FBP1: variants seen among roughly 807,000 people sequenced by gnomAD.
The protein encoded by FBP1 is fructose-1,6-bisphosphatase 1.
In FBP1, 22 loss-of-function variants were observed where a neutral mutation model predicts 29.9. The observed-to-expected ratio is 0.74, with a 90% CI of 0.53 to 1.05. The LOEUF is 1.05. Among genes scored for constraint, FBP1 ranks in the 50% least tolerant of loss-of-function variants. The pLI, the probability that FBP1 is intolerant of heterozygous loss-of-function variation, is 0.00. For synonymous variants in FBP1, 175 were observed against 178.6 expected, an observed-to-expected ratio of 0.98 and a Z score of 0.16; for missense variants, 345 against 448.2, an observed-to-expected ratio of 0.77 and a Z score of 2.08.
At chr9:94,639,063 G>GGGCC in intron 1 of FBP1, 78 bp downstream of exon 1, 2 of 1,412,778 alleles carry the variant, frequency 1.4e-6, no homozygotes, top group Non-Finnish European at 1.9e-6. Context: ...GAGGCTCAGA[G>GGGCC]GGCCCAACGT....
rs201064471 is a variant in FBP1, at chr9:94,606,816, G to A, written c.704C>T (p.Pro235Leu). Residue 235 changes from proline (P) to leucine (L), a missense_variant and splice_region_variant, in exon 5 of 7, where the codon CCA becomes CTA. Transcript: ENST00000375326. The part of the protein sequence containing the change: ...TEYIQRKKFP[P>L]DNSAPYGARY... Reference sequence around the variant, plus strand: ...CACCCTCCCCGGGCCCTCACTTACTGGGGGGAACTTCTTCCTCTGGATGTA... The same window carrying A: ...CACCCTCCCCGGGCCCTCACTTACTAGGGGGAACTTCTTCCTCTGGATGTA... 5.0e-6 allele frequency: 8 copies of A among 1,612,812 alleles called. No homozygotes were observed. The highest frequency in any genetic ancestry group is 3.3e-5 in the Admixed American group (2 of 59,966).
At chr9:94,611,597 A>G (rs1031533061) in intron 3 of FBP1, among the ~76,000 whole-genome samples, 1 of 152,088 alleles carries the variant, frequency 6.6e-6, no homozygotes, top group African/African-American at 2.4e-5. Context: ...TACGAAAAAA[A>G]ATTTTTTTTT....
intron 1 of FBP1, among the ~76,000 whole-genome samples, chr9:94,636,416 T>A (rs552523057): frequency 4.5e-4 from 68 of 152,128 alleles, no homozygotes; most frequent in African/African-American, 1.6e-3. Flanking sequence ...AGGTTGAGGC[T>A]GCAGTGAGCC....
intron 2 of FBP1, among the ~76,000 whole-genome samples, chr9:94,619,120 G>T (rs535221072): frequency 1.3e-5 from 2 of 152,110 alleles, no homozygotes; most frequent in East Asian, 1.9e-4. Context: ...AGAGAAGTCC[G>T]GCGTGAGTGA....
chr9:94,631,212 CAG>C (rs1196587575), intron 1 of FBP1, among the ~76,000 whole-genome samples: 1 of 152,178 alleles, frequency 6.6e-6, no homozygotes, highest in Admixed American at 6.6e-5. Context: ...TTTCCAGCCC[CAG>C]AGATACGAAG....
At chr9:94,613,816 G>A (rs890294967) in intron 3 of FBP1, among the ~76,000 whole-genome samples, 1 of 150,902 alleles carries the variant, frequency 6.6e-6, no homozygotes, top group Non-Finnish European at 1.5e-5. Context: ...AGTGGCTCAC[G>A]CCTGTAATCC....
At chr9:94,606,060 G>A (rs372283419) in intron 5 of FBP1, among the ~76,000 whole-genome samples, 1 of 152,102 alleles carries the variant, frequency 6.6e-6, no homozygotes, top group Non-Finnish European at 1.5e-5. Context: ...GGGCAGGAGG[G>A]GAATCCAGGA....
At chr9:94,634,341 T>C (rs1355634489) in intron 1 of FBP1, among the ~76,000 whole-genome samples, 3 of 152,010 alleles carry the variant, frequency 2.0e-5, no homozygotes, top group Non-Finnish European at 4.4e-5. Context: ...AAAACCTCTA[T>C]TGCGTGTTAG....
intron 1 of FBP1, among the ~76,000 whole-genome samples, chr9:94,631,498 G>A (rs1828103603): frequency 6.6e-6 from 1 of 152,218 alleles, no homozygotes; most frequent in South Asian, 2.1e-4. Flanking sequence ...TTGTGACACT[G>A]AACATGCAGA....
intron 1 of FBP1, among the ~76,000 whole-genome samples, chr9:94,634,958 G>A (rs1005108453): frequency 2.6e-5 from 4 of 152,016 alleles, no homozygotes; most frequent in African/African-American, 7.3e-5. Flanking sequence ...GTATGGTAGT[G>A]TACGCCTGTA....
chr9:94,627,949 C>G (rs1318931485), intron 1 of FBP1, among the ~76,000 whole-genome samples: 1 of 152,248 alleles, frequency 6.6e-6, no homozygotes, highest in Non-Finnish European at 1.5e-5. Flanking sequence ...TCCCCTACCT[C>G]CCTCCCCTGC....
intron 2 of FBP1, among the ~76,000 whole-genome samples, chr9:94,619,135 GAATATTA>G (rs1224604959): frequency 1.3e-5 from 2 of 152,136 alleles, no homozygotes; most frequent in Non-Finnish European, 2.9e-5. Flanking sequence ...GAGTGATGGA[GAATATTA>G]AACAACAAAT....
At chr9:94,615,976 C>T (rs533072653) in intron 3 of FBP1, among the ~76,000 whole-genome samples, 19 of 152,142 alleles carry the variant, frequency 1.2e-4, no homozygotes, top group South Asian at 6.2e-4. Context: ...TACAGGCGCC[C>T]GCCACCATGC....
At chr9:94,616,551 C>T (rs1331829944) in intron 3 of FBP1, among the ~76,000 whole-genome samples, 1 of 145,130 alleles carries the variant, frequency 6.9e-6, no homozygotes, top group Admixed American at 6.8e-5. Flanking sequence ...AGCGATTCTC[C>T]TGCCTCAGCC....
chr9:94,632,440 C>T (rs544344292), intron 1 of FBP1, among the ~76,000 whole-genome samples: 1 of 152,112 alleles, frequency 6.6e-6, no homozygotes, highest in African/African-American at 2.4e-5. Flanking sequence ...GAGGCTGAGG[C>T]GGGTGGATGA....
In FBP1 at chr9:94,614,025, G is replaced by T. The variant is rs572059860; in HGVS notation, c.426+3743C>A. Among the ~76,000 whole-genome samples the T allele has an allele frequency of 5.3e-5, 8 of 150,076 alleles. No individual in the cohort carries two copies. In the East Asian group the frequency reaches 1.6e-3, roughly 30 times the overall value. On this transcript the variant is annotated intron_variant, in intron 3 of 6. Coordinates refer to ENST00000375326, the MANE Select transcript of FBP1 (RefSeq NM_000507.4). ...GAACCCGGGAGGCAGGGCTTGCAGT[G>T]AGCCGAGATCGTGCTACTGCACTCC...
chr9:94,624,212 C>T (rs1563985872), intron 1 of FBP1, among the ~76,000 whole-genome samples: 1 of 151,762 alleles, frequency 6.6e-6, no homozygotes, highest in Non-Finnish European at 1.5e-5. Context: ...GTGGCGGGCA[C>T]CTGTAGTCCC....
intron 1 of FBP1, among the ~76,000 whole-genome samples, chr9:94,623,829 C>T (rs557786472): frequency 5.3e-5 from 8 of 152,112 alleles, no homozygotes; most frequent in Non-Finnish European, 7.3e-5. Flanking sequence ...CCTTGTGGAG[C>T]GTATATTCTA....
At chr9:94,632,620 A>G (rs1287014657) in intron 1 of FBP1, among the ~76,000 whole-genome samples, 2 of 143,200 alleles carry the variant, frequency 1.4e-5, no homozygotes, top group African/African-American at 5.7e-5. Flanking sequence ...GTGAACCGAG[A>G]TCACACCACA....
Sources: gnomAD v4.1 joint callset for allele counts (sites outside exome capture counted in the v4.1 genomes callset) on GRCh38, gnomAD v4.1.1 for gene constraint, MANE v1.5 for transcripts, NCBI Gene and HGNC (gene_info 2026-07-23, HGNC 2026-07-21) for gene names.